ADAMTS3: variants seen among roughly 807,000 people sequenced by gnomAD.
The protein encoded by ADAMTS3 is ADAM metallopeptidase with thrombospondin type 1 motif 3.
A neutral mutation model predicts 129.0 loss-of-function variants in ADAMTS3; 73 were observed. The ratio of observed to expected loss-of-function variants is 0.57; its 90% CI spans 0.47 to 0.69. The LOEUF (loss-of-function observed/expected upper bound fraction) is 0.69. Ranked by LOEUF, ADAMTS3 falls within the 30% of genes least tolerant of loss-of-function variation. The pLI, the probability that ADAMTS3 is intolerant of heterozygous loss-of-function variation, is 0.00. For synonymous variants in ADAMTS3, 477 were observed against 510.8 expected (o/e 0.93, Z 0.89); for missense variants, 1,457 against 1,514.5 (o/e 0.96, Z 0.63).
At chr4:72,319,095 T>G (rs1383973785) in intron 9 of ADAMTS3, among the ~76,000 whole-genome samples, 1 of 152,142 alleles carries the variant, frequency 6.6e-6, no homozygotes. Context: ...TCGATAACAA[T>G]TTACTAAAGG....
intron 6 of ADAMTS3, 85 bp from the exon 7 acceptor site, chr4:72,320,955 A>G: frequency 1.4e-6 from 2 of 1,386,740 alleles, no homozygotes; most frequent in Non-Finnish European, 2.0e-6. Flanking sequence ...TGAATTTGGG[A>G]TTAAAGTATT....
chr4:72,548,581 T>C lies in ADAMTS3; in HGVS notation c.401A>G (p.Tyr134Cys), dbSNP rs758658491. The C allele has an allele frequency of 3.7e-6, 6 of 1,614,036 alleles. No homozygotes were observed. Among genetic ancestry groups the C allele is most frequent in the African/African-American group, 1.3e-5 (1 of 75,036 alleles). The change falls in exon 3 of 22, where the codon TAT (tyrosine) becomes TGT (cysteine). Residue 134 changes from tyrosine to cysteine, a missense_variant. Tyr to Cys is a radical substitution (Grantham distance 194, BLOSUM62 -2). Coordinates refer to ENST00000286657, the MANE Select transcript of ADAMTS3 (RefSeq NM_014243.3). ...CAAAGGCTCTGTTCTCCGGATTCTA[T>C]ACGTAGCACTTCCTGGTTGATGGTT... ...INNHQPGSAT[Y>C]RIRRTEPLQT...
At chr4:72,391,878 A>G (rs1384936701) in intron 4 of ADAMTS3, among the ~76,000 whole-genome samples, 1 of 152,256 alleles carries the variant, frequency 6.6e-6, no homozygotes, top group Non-Finnish European at 1.5e-5. Context: ...AAAAAAATTA[A>G]GAAGATAACC....
chr4:72,297,138 C>T (rs1718830583), intron 18 of ADAMTS3, among the ~76,000 whole-genome samples: 1 of 151,964 alleles, frequency 6.6e-6, no homozygotes, highest in African/African-American at 2.4e-5. Flanking sequence ...AGAAAAATTA[C>T]CCTGTAAATT....
chr4:72,524,161 T>G (rs1359129987), intron 3 of ADAMTS3, among the ~76,000 whole-genome samples: 2 of 152,034 alleles, frequency 1.3e-5, no homozygotes, highest in Non-Finnish European at 2.9e-5. Flanking sequence ...TGACATGTGG[T>G]CTCCTGAAGT....
chr4:72,411,094 A>T (rs999392687), intron 4 of ADAMTS3, among the ~76,000 whole-genome samples: 19 of 152,158 alleles, frequency 1.2e-4, no homozygotes, highest in Non-Finnish European at 2.6e-4. Flanking sequence ...GACTTAAAAA[A>T]ACATATTTTT....
At chr4:72,427,597 C>T (rs1261104785) in intron 3 of ADAMTS3, among the ~76,000 whole-genome samples, 1 of 151,578 alleles carries the variant, frequency 6.6e-6, no homozygotes, top group African/African-American at 2.4e-5. Flanking sequence ...AACCAATCTG[C>T]AACTCAGAGC....
intron 3 of ADAMTS3, among the ~76,000 whole-genome samples, chr4:72,416,861 C>CATAAA (rs1722318136): frequency 6.6e-6 from 1 of 152,062 alleles, no homozygotes. Flanking sequence ...AATTAATGTC[C>CATAAA]ATAAAATACA....
At chr4:72,336,351 T>C (rs1416630632) in intron 5 of ADAMTS3, among the ~76,000 whole-genome samples, 1 of 152,222 alleles carries the variant, frequency 6.6e-6, no homozygotes, top group African/African-American at 2.4e-5. Flanking sequence ...TAATTTTAGA[T>C]GACCATGAGA....
At chr4:72,369,588 G>T (rs1720952980) in intron 4 of ADAMTS3, among the ~76,000 whole-genome samples, 1 of 152,118 alleles carries the variant, frequency 6.6e-6, no homozygotes, top group Non-Finnish European at 1.5e-5. Flanking sequence ...GTGGGAGCCT[G>T]TAATCCCAGC....
chr4:72,455,909 T>TGTATATACTTTATATATA (rs1560522101), intron 3 of ADAMTS3, among the ~76,000 whole-genome samples: 1 of 66,554 alleles, frequency 1.5e-5, no homozygotes, highest in African/African-American at 6.4e-5. Context: ...GTATATACAC[T>TGTATATACTTTATATATA]GTATATATAC....
chr4:72,448,581 C>T (rs1373049910), intron 3 of ADAMTS3, among the ~76,000 whole-genome samples: 1 of 151,604 alleles, frequency 6.6e-6, no homozygotes, highest in African/African-American at 2.4e-5. Context: ...GGCAACAATC[C>T]TAAAAATTTA....
intron 3 of ADAMTS3, among the ~76,000 whole-genome samples, chr4:72,425,189 G>A (rs1387528414): frequency 2.0e-5 from 3 of 152,058 alleles, no homozygotes. Context: ...AGTTGAGGAA[G>A]CATAAATTAT....
At chr4:72,344,618 G>A (rs977120216) in intron 4 of ADAMTS3, among the ~76,000 whole-genome samples, 2 of 152,132 alleles carry the variant, frequency 1.3e-5, no homozygotes, top group Non-Finnish European at 2.9e-5. Flanking sequence ...CTAAGCAGAA[G>A]TATTGCTTAT....
intron 3 of ADAMTS3, among the ~76,000 whole-genome samples, chr4:72,472,009 T>A (rs1393623238): frequency 1.3e-5 from 2 of 152,072 alleles, no homozygotes; most frequent in African/African-American, 4.8e-5. Flanking sequence ...GAAGCAGGAA[T>A]GTCAGGAACT....
intron 4 of ADAMTS3, among the ~76,000 whole-genome samples, chr4:72,383,632 A>G (rs940637603): frequency 3.9e-5 from 6 of 152,196 alleles, no homozygotes; most frequent in African/African-American, 1.4e-4. Context: ...GCTAAAAGGA[A>G]TGCAGAGGGG....
chr4:72,360,489 T>C (rs1578613574), intron 4 of ADAMTS3, among the ~76,000 whole-genome samples: 1 of 152,120 alleles, frequency 6.6e-6, no homozygotes, highest in Non-Finnish European at 1.5e-5. Flanking sequence ...TTTCATTTTC[T>C]TCATTTTAGT....
At chr4:72,401,492 G>A (rs909579951) in intron 4 of ADAMTS3, among the ~76,000 whole-genome samples, 2 of 150,114 alleles carry the variant, frequency 1.3e-5, no homozygotes, top group African/African-American at 4.9e-5. Flanking sequence ...ACTTGAACTG[G>A]GGGGGTGGAG....
At chr4:72,521,425 T>C (rs1189485381) in intron 3 of ADAMTS3, among the ~76,000 whole-genome samples, 1 of 152,210 alleles carries the variant, frequency 6.6e-6, no homozygotes, top group Non-Finnish European at 1.5e-5. Flanking sequence ...ATATCAGGGA[T>C]CTTTTGAAAT....
Sources: allele counts gnomAD v4.1 joint callset (sites outside exome capture counted in the v4.1 genomes callset), GRCh38; gene constraint gnomAD v4.1.1; transcripts MANE v1.5; gene names NCBI Gene and HGNC (gene_info 2026-07-23, HGNC 2026-07-21).